Variants in CALHM4 observed in about 807,000 individuals in gnomAD.
The protein encoded by CALHM4 is calcium homeostasis modulator protein 4.
In CALHM4, 16 loss-of-function variants were observed where a neutral mutation model predicts 13.3. The observed-to-expected ratio is 1.20, with a 90% CI of 0.81 to 1.82. The LOEUF is 1.82. Ranked by LOEUF, CALHM4 falls within the 40% of genes most tolerant of loss-of-function variation. The probability of loss-of-function intolerance (pLI) is 0.00; values close to 1 mark genes in which losing one functional copy is unlikely to be tolerated. For missense variants in CALHM4, 344 were observed against 374.9 expected (o/e 0.92, Z 0.68); for synonymous variants, 127 against 137.1 (o/e 0.93, Z 0.52).
At chr6:116,551,682 G>A (rs1011353392), upstream of CALHM4, among the ~76,000 whole-genome samples, 8 of 152,114 alleles carry the variant, frequency 5.3e-5, no homozygotes, top group African/African-American at 1.9e-4. Context: ...ACATTCATGT[G>A]CAAGTTTTCA....
At chr6:116,532,738 C>T (rs2115196778) in intron 1 of CALHM4, among the ~76,000 whole-genome samples, 1 of 152,276 alleles carries the variant, frequency 6.6e-6, no homozygotes, top group Non-Finnish European at 1.5e-5. Context: ...GATCAACAGG[C>T]ACAAAACACG....
At chr6:116,547,796 T>A (rs1773871660) in intron 2 of CALHM4, among the ~76,000 whole-genome samples, 1 of 152,248 alleles carries the variant, frequency 6.6e-6, no homozygotes, top group Non-Finnish European at 1.5e-5. Flanking sequence ...CCTGTTTTAC[T>A]AAGAGTTCTT....
In CALHM4 at chr6:116,559,552, A is replaced by G. The variant is rs866738670; in HGVS notation, c.*1341A>G. Among the ~76,000 whole-genome samples the G allele has an allele frequency of 2.0e-5, 3 of 152,320 alleles. No individual in the cohort carries two copies. The highest frequency in any genetic ancestry group is 3.4e-3 in the Middle Eastern group (1 of 294). ...TTTTCAGGTTTTGTTTTGTCCTTCA[A>G]TAAGAGACTGCATATTGTAGCTCTT... On this transcript the variant is annotated 3_prime_UTR_variant, in exon 2 of 2. Coordinates refer to ENST00000368596, the MANE Select transcript of CALHM4 (RefSeq NM_001366078.2).
Position 116,558,421 on chromosome 6 carries a change from G to A in CALHM4, c.*210G>A. ...GAAATTTTGCCAATGGTCTGGTAATGCCTAGAGTGGAATGTGAAGTCACAT... is the reference window on the plus strand; with the variant it reads ...GAAATTTTGCCAATGGTCTGGTAATACCTAGAGTGGAATGTGAAGTCACAT... On this transcript the variant is annotated 3_prime_UTR_variant, in exon 2 of 2. Coordinates refer to ENST00000368596, the MANE Select transcript of CALHM4 (RefSeq NM_001366078.2). 1 of 524,432 alleles carries A rather than the reference G, an allele frequency of 1.9e-6. No individual in the cohort carries two copies. The highest frequency in any genetic ancestry group is 3.4e-5 in the East Asian group (1 of 29,570). The allele number at this position is 524,432 out of a possible 1,614,324, so 32.5% of individuals were successfully genotyped here.
rs567522364 is a variant in CALHM4, at chr6:116,560,558, T to A, written c.*2347T>A. On this transcript the variant is annotated 3_prime_UTR_variant, in exon 2 of 2. Transcript: ENST00000368596. The stretch of plus-strand genomic sequence containing the variant: ...GCTTCAGAATGATTTATAGCATCTA[T>A]GTGAACATTTAAAAGGTAGTACACA... 6.7e-6 allele frequency among the ~76,000 whole-genome samples: 1 copy of A among 149,692 alleles called. No homozygotes were observed. Among genetic ancestry groups the A allele is most frequent in the Non-Finnish European group, 1.5e-5 (1 of 67,346 alleles).
chr6:116,530,974 G>C (rs1294191622), intron 1 of CALHM4, among the ~76,000 whole-genome samples: 1 of 134,104 alleles, frequency 7.5e-6, no homozygotes, highest in African/African-American at 2.8e-5. Flanking sequence ...AGAAGAACAA[G>C]ATATTTGTCA....
intron 1 of CALHM4, chr6:116,543,406 GA>G (rs1462345122): frequency 1.9e-6 from 3 of 1,544,040 alleles, no homozygotes; most frequent in African/African-American, 2.8e-5. Flanking sequence ...TTATTCTGGA[GA>G]AAAAGGGGTA....
intron 1 of CALHM4, among the ~76,000 whole-genome samples, chr6:116,534,776 T>C (rs923224814): frequency 8.2e-6 from 1 of 121,814 alleles, no homozygotes; most frequent in Non-Finnish European, 1.8e-5. Context: ...AAAATTTCAA[T>C]TTATACTATA....
intron 2 of CALHM4, among the ~76,000 whole-genome samples, chr6:116,545,764 T>A (rs1200233214): frequency 1.3e-5 from 2 of 152,164 alleles, no homozygotes; most frequent in Non-Finnish European, 1.5e-5. Context: ...TTTGTAAGGA[T>A]GAATTGTAAT....
In CALHM4 at chr6:116,554,304, A is replaced by C; in HGVS notation, c.511A>C (p.Ile171Leu). The change falls in exon 1 of 2, where the codon ATC becomes CTC. Residue 171 changes from isoleucine (I) to leucine (L), a missense_variant. Ile to Leu is a conservative substitution (Grantham distance 5). Coordinates refer to ENST00000368596, the MANE Select transcript of CALHM4 (RefSeq NM_001366078.2). ...TTGCAGATCAGCTCCTTCTGACGTG[A>C]TCCTAGTAAGAGATGAAATAGCTCT... ...PCCRSAPSDV[I>L]LVRDEIALLH... 1 of 1,549,628 alleles carries C rather than the reference A, an allele frequency of 6.5e-7. No individual in the cohort carries two copies. Among genetic ancestry groups the C allele is most frequent in the Non-Finnish European group, 8.7e-7 (1 of 1,146,948 alleles).
At chr6:116,542,416 T>C (rs1032635680) in intron 1 of CALHM4, among the ~76,000 whole-genome samples, 1 of 152,164 alleles carries the variant, frequency 6.6e-6, no homozygotes, top group Admixed American at 6.6e-5. Context: ...ATGTTGTCTT[T>C]TTCTGTATTT....
chr6:116,534,060 G>A (rs1407739232), intron 1 of CALHM4, among the ~76,000 whole-genome samples: 1 of 151,956 alleles, frequency 6.6e-6, no homozygotes, highest in African/African-American at 2.4e-5. Flanking sequence ...TGTCTAAAAA[G>A]GATTCCTCCT....
At chr6:116,551,229 T>C (rs1774065890), upstream of CALHM4, among the ~76,000 whole-genome samples, 1 of 152,172 alleles carries the variant, frequency 6.6e-6, no homozygotes, top group Non-Finnish European at 1.5e-5. Flanking sequence ...CTCAGTCAGC[T>C]CTCTAAATTA....
At position 116,553,946 on chromosome 6, in the gene CALHM4, T is replaced by G; in HGVS notation, c.153T>G (p.Tyr51Ter). 1.3e-6 allele frequency: 2 copies of G among 1,550,674 alleles called. No individual in the cohort carries two copies. Among genetic ancestry groups the G allele is most frequent in the Middle Eastern group, 3.3e-4 (2 of 5,992 alleles). ...CPCQVGKNFY[Y>*]GSAFLVIPAL... ...GTCAGGTTGGAAAAAATTTCTATTA[T>G]GGTTCTGCTTTTCTTGTCATTCCTG... The change falls in exon 1 of 2, where the codon TAT (tyrosine) becomes TAG (stop). Residue 51 changes from tyrosine (Y) to a stop codon, truncating the protein, a stop_gained. Transcript: ENST00000368596. LOFTEE classifies it high-confidence loss of function.
chr6:116,538,863 T>C (rs979539079), intron 1 of CALHM4, among the ~76,000 whole-genome samples: 2 of 152,010 alleles, frequency 1.3e-5, no homozygotes, highest in Non-Finnish European at 2.9e-5. Context: ...TTCTGAGTTG[T>C]TGGGACTACA....
rs371558398 is a variant in CALHM4 at position 116,554,352 on chromosome 6, G to A, written c.558+1G>A. 2.7e-5 allele frequency: 41 copies of A among 1,520,932 alleles called. No homozygotes were observed. The East Asian group carries it at 6.6e-4, about 25-fold the overall frequency. The allele number at this position is 1,520,932 out of a possible 1,614,324, so 94.2% of individuals were successfully genotyped here. The stretch of plus-strand genomic sequence containing the variant: ...TCTTCTGCACAGATACCAGTCACAG[G>A]TAAGTTTTTAGAATTTTTTTCCCTC... On this transcript the variant is annotated splice_donor_variant, in intron 1 of 1. Transcript: ENST00000368596. LOFTEE classifies it high-confidence loss of function.
chr6:116,556,976 T>G (rs1774346169), intron 1 of CALHM4, among the ~76,000 whole-genome samples: 1 of 146,270 alleles, frequency 6.8e-6, no homozygotes, highest in African/African-American at 2.5e-5. Context: ...AGTCTCTCTC[T>G]GTCACCTGAG....
At chr6:116,537,563 T>C (rs1351737637) in intron 1 of CALHM4, among the ~76,000 whole-genome samples, 1 of 152,228 alleles carries the variant, frequency 6.6e-6, no homozygotes, top group African/African-American at 2.4e-5. Context: ...TCGATTCCTC[T>C]TCAACCTTTT....
chr6:116,529,696 T>G (rs1772580209), intron 1 of CALHM4, among the ~76,000 whole-genome samples: 1 of 152,118 alleles, frequency 6.6e-6, no homozygotes. Context: ...CCTCATGAGG[T>G]GAATGCAGCA....
Sources: allele counts gnomAD v4.1 joint callset (sites outside exome capture counted in the v4.1 genomes callset), GRCh38; gene constraint gnomAD v4.1.1; transcripts MANE v1.5; gene names NCBI Gene and HGNC (gene_info 2026-07-23, HGNC 2026-07-21).